Variants in CNTLN observed in about 807,000 individuals in gnomAD.
CNTLN encodes the protein centlein.
Under a neutral mutation model 180.0 loss-of-function variants are expected in CNTLN, and 212 were observed. The observed-to-expected ratio is 1.18, with a 90% CI of 1.05 to 1.32. The LOEUF is 1.32. Ranked by LOEUF, CNTLN falls within the 40% of genes most tolerant of loss-of-function variation. The pLI is 0.00. For synonymous variants in CNTLN, 722 were observed against 563.1 expected (o/e 1.28, Z -3.99); for missense variants, 2,095 against 1,610.9 (o/e 1.30, Z -5.14).
chr9:17,369,111 T>C (rs1007732914), intron 13 of CNTLN, among the ~76,000 whole-genome samples: 3 of 152,238 alleles, frequency 2.0e-5, no homozygotes, highest in South Asian at 2.1e-4. Context: ...GTGGAGGTAA[T>C]TGAATCATGG....
At chr9:17,312,350 T>TATATATATA (rs1563984678) in intron 8 of CNTLN, among the ~76,000 whole-genome samples, 2 of 16,370 alleles carry the variant, frequency 1.2e-4, no homozygotes, top group African/African-American at 2.8e-4. Flanking sequence ...TATTTATATA[T>TATATATATA]ATATATATAT....
At chr9:17,214,162 C>T (rs1823552607) in intron 2 of CNTLN, among the ~76,000 whole-genome samples, 1 of 152,126 alleles carries the variant, frequency 6.6e-6, no homozygotes, top group Non-Finnish European at 1.5e-5. Context: ...ATGGTCTTTA[C>T]ACTTTGGCAT....
Position 17,409,403 on chromosome 9 carries a change from C to T in CNTLN, c.2726C>T (p.Thr909Ile), listed in dbSNP as rs199835317. The change falls in exon 16 of 26, where the codon ACA (threonine) becomes ATA (isoleucine). Residue 909 changes from threonine to isoleucine, a missense_variant. By Grantham distance (89) the Thr-to-Ile change is moderately conservative. Coordinates refer to ENST00000380647, the MANE Select transcript of CNTLN (RefSeq NM_017738.4). ...AAAGACCAGAAAGAAAGTGATCCAA[C>T]AGAAGACAGCCAAACACAAGGAAAA... ...DGKDQKESDPTEDSQTQGKEI... is the reference protein window; with the variant it reads ...DGKDQKESDPIEDSQTQGKEI... 2.5e-6 allele frequency: 4 copies of T among 1,613,282 alleles called. No individual in the cohort carries two copies. The highest frequency in any genetic ancestry group is 1.3e-5 in the African/African-American group (1 of 74,960).
intron 12 of CNTLN, among the ~76,000 whole-genome samples, chr9:17,363,493 G>T (rs1042983458): frequency 6.7e-6 from 1 of 150,078 alleles, no homozygotes; most frequent in African/African-American, 2.4e-5. Context: ...CCTTTGATTT[G>T]ATACAGTTTT....
At chr9:17,291,647 C>G (rs1207629514) in intron 6 of CNTLN, among the ~76,000 whole-genome samples, 1 of 152,064 alleles carries the variant, frequency 6.6e-6, no homozygotes, top group Non-Finnish European at 1.5e-5. Context: ...TTTCTGCTTT[C>G]CATTTGCTTG....
chr9:17,345,550 A>G (rs1456770934), intron 12 of CNTLN, among the ~76,000 whole-genome samples: 2 of 142,228 alleles, frequency 1.4e-5, no homozygotes, highest in Admixed American at 1.4e-4. Context: ...TTTTTTTAGT[A>G]TTTGCTCTTG....
the CNTLN span, among the ~76,000 whole-genome samples, chr9:17,511,755 A>G: frequency 2.6e-5 from 4 of 152,230 alleles, no homozygotes; most frequent in East Asian, 7.7e-4. Context: ...ATTAGGAGCC[A>G]TTTCATGAGC....
chr9:17,313,744 A>G (rs367863390), intron 8 of CNTLN, among the ~76,000 whole-genome samples: 1 of 152,060 alleles, frequency 6.6e-6, no homozygotes, highest in Non-Finnish European at 1.5e-5. Flanking sequence ...TGAGATTACC[A>G]TTTCCCTTAT....
At chr9:17,304,254 A>G (rs1818558506) in intron 7 of CNTLN, among the ~76,000 whole-genome samples, 1 of 152,158 alleles carries the variant, frequency 6.6e-6, no homozygotes, top group Non-Finnish European at 1.5e-5. Context: ...TATAGTGTGG[A>G]AGGCTTTTCT....
chr9:17,345,602 A>G (rs1314418716), intron 12 of CNTLN, among the ~76,000 whole-genome samples: 1 of 151,510 alleles, frequency 6.6e-6, no homozygotes, highest in Non-Finnish European at 1.5e-5. Context: ...GTCTACTGGT[A>G]TCAACATTTT....
At chr9:17,386,034 C>T (rs1467037762) in intron 13 of CNTLN, among the ~76,000 whole-genome samples, 1 of 152,100 alleles carries the variant, frequency 6.6e-6, no homozygotes, top group African/African-American at 2.4e-5. Flanking sequence ...AAGTTGATAA[C>T]TGTTTTCCTT....
At chr9:17,135,473 G>T in intron 1 of CNTLN, 48 bp downstream of exon 1, 1 of 1,541,364 alleles carries the variant, frequency 6.5e-7, no homozygotes, top group South Asian at 1.2e-5. Flanking sequence ...AGCGGGGCCG[G>T]GACCCGTGGG....
chr9:17,373,240 T>TA, intron 13 of CNTLN, among the ~76,000 whole-genome samples: 1 of 151,912 alleles, frequency 6.6e-6, no homozygotes, highest in East Asian at 1.9e-4. Flanking sequence ...TAAGAGTCCA[T>TA]AAAAAAACTA....
At chr9:17,376,007 C>T (rs1021617312) in intron 13 of CNTLN, among the ~76,000 whole-genome samples, 1 of 152,036 alleles carries the variant, frequency 6.6e-6, no homozygotes, top group Non-Finnish European at 1.5e-5. Flanking sequence ...TTTCATATAC[C>T]CTTCACTTGG....
intron 12 of CNTLN, among the ~76,000 whole-genome samples, chr9:17,344,831 C>T (rs901535843): frequency 3.3e-5 from 5 of 152,094 alleles, no homozygotes; most frequent in Non-Finnish European, 7.4e-5. Context: ...ACTACCACTA[C>T]AATCGGTATG....
chr9:17,187,368 T>C (rs893908721), intron 2 of CNTLN, among the ~76,000 whole-genome samples: 1 of 152,060 alleles, frequency 6.6e-6, no homozygotes, highest in African/African-American at 2.4e-5. Flanking sequence ...TCTTAGTTTA[T>C]TCCTGCGCTT....
At chr9:17,501,572 G>A (rs1020953061) in intron 25 of CNTLN, among the ~76,000 whole-genome samples, 2 of 152,346 alleles carry the variant, frequency 1.3e-5, no homozygotes, top group Non-Finnish European at 2.9e-5. Flanking sequence ...GTCAGATGCC[G>A]ACAGTGATGC....
intron 18 of CNTLN, among the ~76,000 whole-genome samples, chr9:17,440,460 G>A (rs1053624418): frequency 8.0e-5 from 12 of 150,880 alleles, no homozygotes; most frequent in Admixed American, 6.6e-4. Context: ...GTAGTGGCAG[G>A]CGCCTGTAAT....
intron 2 of CNTLN, among the ~76,000 whole-genome samples, chr9:17,199,555 A>G (rs1822382522): frequency 6.6e-6 from 1 of 152,204 alleles, no homozygotes; most frequent in Non-Finnish European, 1.5e-5. Context: ...ATGAGATGGT[A>G]TCTCATTTTG....
Sources: gnomAD v4.1 joint callset for allele counts (sites outside exome capture counted in the v4.1 genomes callset) on GRCh38, gnomAD v4.1.1 for gene constraint, MANE v1.5 for transcripts, NCBI Gene and HGNC (gene_info 2026-07-23, HGNC 2026-07-21) for gene names.